The following LRTM3 variants were observed in gnomAD, a reference collection of about 807,000 sequenced individuals.
The protein encoded by LRTM3 is leucine rich repeat transmembrane protein 3.
chr13:102,733,653 T>C, the LRTM3 span: 1 of 1,551,398 alleles, frequency 6.4e-7, no homozygotes, highest in East Asian at 2.4e-5. Context: ...TGAGCCTTTT[T>C]CCCTGTAAAG....
the LRTM3 span, chr13:102,734,102 T>A: frequency 6.4e-7 from 1 of 1,551,458 alleles, no homozygotes; most frequent in South Asian, 1.2e-5. Context: ...CTCCAGTTTG[T>A]TAATATTCAA....
the LRTM3 span, among the ~76,000 whole-genome samples, chr13:102,755,856 T>C: frequency 6.7e-6 from 1 of 149,512 alleles, no homozygotes; most frequent in African/African-American, 2.5e-5. Context: ...ATGTTCATAG[T>C]TCTTTTCCCA....
chr13:102,732,061 C>T, the LRTM3 span: 1 of 1,551,228 alleles, frequency 6.4e-7, no homozygotes, highest in South Asian at 1.2e-5. Flanking sequence ...GTTGTTTGTC[C>T]ACTGCAAAGG....
chr13:102,749,687 G>T, the LRTM3 span: 3 of 1,551,372 alleles, frequency 1.9e-6, no homozygotes, highest in South Asian at 1.2e-5. Context: ...AAAGTTGCTG[G>T]CTTTGCTCTC....
At chr13:102,729,600 G>A in the LRTM3 span, 33 of 1,538,606 alleles carry the variant, frequency 2.1e-5, no homozygotes, top group East Asian at 3.9e-4. Flanking sequence ...ATAGTCCAGC[G>A]AATGGTTTTG....
chr13:102,747,060 C>T, the LRTM3 span: 1 of 1,551,152 alleles, frequency 6.4e-7, no homozygotes, highest in South Asian at 1.2e-5. Context: ...TCATGCAGGA[C>T]TGCTTTTGGT....
the LRTM3 span, chr13:102,729,957 A>T: frequency 1.3e-6 from 2 of 1,551,910 alleles, no homozygotes; most frequent in Non-Finnish European, 1.7e-6. Flanking sequence ...GGAGCTGAAG[A>T]GTAACTTGTT....
chr13:102,758,995 GA>G, the LRTM3 span: 1 of 1,041,986 alleles, frequency 9.6e-7, no homozygotes, highest in Non-Finnish European at 1.4e-6. Flanking sequence ...CAGAGGCCCT[GA>G]AATATAAAAC....
chr13:102,742,938 C>G, the LRTM3 span: 1 of 1,548,606 alleles, frequency 6.5e-7, no homozygotes. Context: ...TCCATCCTTG[C>G]GAGCCCAACT....
the LRTM3 span, chr13:102,748,262 C>A: frequency 6.4e-7 from 1 of 1,550,972 alleles, no homozygotes; most frequent in Non-Finnish European, 8.7e-7. Flanking sequence ...ACGTAGGTCA[C>A]TGTCTTCTGT....
the LRTM3 span, chr13:102,735,413 A>T: frequency 1.9e-6 from 3 of 1,551,312 alleles, no homozygotes; most frequent in South Asian, 1.2e-5. Flanking sequence ...TGCAATTCTT[A>T]TCACGTTCTC....
the LRTM3 span, chr13:102,733,569 C>T: frequency 6.4e-7 from 1 of 1,551,130 alleles, no homozygotes; most frequent in South Asian, 1.2e-5. Flanking sequence ...TCTTCCAGAC[C>T]TCCCATTTTA....
the LRTM3 span, chr13:102,750,153 G>T: frequency 1.3e-6 from 2 of 1,551,004 alleles, no homozygotes. Context: ...CTGTCTGGAT[G>T]CTCTGTATGG....
the LRTM3 span, chr13:102,730,510 G>GT: frequency 1.3e-6 from 2 of 1,551,468 alleles, no homozygotes; most frequent in African/African-American, 1.4e-5. Context: ...GATATTGTTT[G>GT]TTTTTTTCTG....
chr13:102,739,033 C>T, the LRTM3 span: 2 of 1,550,394 alleles, frequency 1.3e-6, no homozygotes, highest in East Asian at 2.4e-5. Flanking sequence ...ATAATTCCTG[C>T]TGTGTTGATG....
At chr13:102,734,283 T>G in the LRTM3 span, 3 of 1,551,416 alleles carry the variant, frequency 1.9e-6, no homozygotes, top group Non-Finnish European at 2.6e-6. Context: ...TCTGCTGTTT[T>G]CTCTGTATCT....
At chr13:102,756,568 G>A in the LRTM3 span, among the ~76,000 whole-genome samples, 12 of 149,594 alleles carry the variant, frequency 8.0e-5, no homozygotes, top group African/African-American at 2.9e-4. Flanking sequence ...CAGCTTCTAT[G>A]GAGGCTGAGG....
At chr13:102,758,410 C>T in the LRTM3 span, 1 of 1,528,450 alleles carries the variant, frequency 6.5e-7, no homozygotes, top group African/African-American at 1.4e-5. Flanking sequence ...TATCACATAC[C>T]TTTCTCCTGA....
chr13:102,740,656 T>C, the LRTM3 span: 1 of 1,548,430 alleles, frequency 6.5e-7, no homozygotes, highest in Non-Finnish European at 8.7e-7. Flanking sequence ...CCATAGCATC[T>C]AATTTCTCTT....
Sources: gnomAD v4.1 joint callset for allele counts (sites outside exome capture counted in the v4.1 genomes callset) on GRCh38, gnomAD v4.1.1 for gene constraint, MANE v1.5 for transcripts, NCBI Gene and HGNC (gene_info 2026-07-23, HGNC 2026-07-21) for gene names.